SLC22A23: variants seen among roughly 807,000 people sequenced by gnomAD.
SLC22A23 encodes ion transporter protein.
In SLC22A23, 26 loss-of-function variants were observed where a neutral mutation model predicts 61.0. The observed-to-expected ratio is 0.43, with a 90% confidence interval of 0.31 to 0.59. The LOEUF (loss-of-function observed/expected upper bound fraction) is 0.59, where lower values mean the gene tolerates loss of function less well. SLC22A23 is among the 20% of genes least tolerant of loss of function. SLC22A23 has a pLI of 0.11. For synonymous variants in SLC22A23, 430 were observed against 413.9 expected (o/e 1.04, Z -0.47); for missense variants, 796 against 934.7 (o/e 0.85, Z 1.94).
At chr6:3,302,540 C>T (rs6911256) in intron 4 of SLC22A23, among the ~76,000 whole-genome samples, 8,213 of 152,098 alleles carry the variant, frequency 0.054, 700 homozygotes, top group African/African-American at 0.18. Flanking sequence ...TATATGAAAT[C>T]GCTCTAGTTT....
At position 3,373,558 on chromosome 6, in the gene SLC22A23, G is replaced by T. The variant is rs139328308; in HGVS notation, c.913+36630C>A. Among the ~76,000 whole-genome samples, 11 of 152,196 alleles carry T rather than the reference G, an allele frequency of 7.2e-5. No individual in the cohort carries two copies. The East Asian group carries it at 2.1e-3, about 29-fold the overall frequency. Reference sequence around the variant, plus strand: ...TGCTTTGTGAGGCATAGGAAGGCCTGGGGGAGAGGTGGAGGGCTCTGACTA... The same window carrying T: ...TGCTTTGTGAGGCATAGGAAGGCCTTGGGGAGAGGTGGAGGGCTCTGACTA... On this transcript the variant is annotated intron_variant, in intron 3 of 9. Transcript: ENST00000406686.
chr6:3,345,044 G>A (rs763273050), intron 3 of SLC22A23, among the ~76,000 whole-genome samples: 3 of 152,158 alleles, frequency 2.0e-5, no homozygotes, highest in Admixed American at 6.5e-5. Flanking sequence ...AAAGACCCAC[G>A]GCTAAGACTG....
intron 9 of SLC22A23, among the ~76,000 whole-genome samples, chr6:3,282,834 T>C (rs955800090): frequency 2.8e-4 from 43 of 152,180 alleles, no homozygotes; most frequent in Non-Finnish European, 1.5e-4. Context: ...ATAAGCATGG[T>C]GGCAACAGTA....
intron 1 of SLC22A23, among the ~76,000 whole-genome samples, chr6:3,423,781 T>C (rs150591277): frequency 6.6e-6 from 1 of 152,354 alleles, no homozygotes; most frequent in Non-Finnish European, 1.5e-5. Flanking sequence ...CTGGAGGGTA[T>C]TTTCTAGTAT....
At chr6:3,319,329 C>T (rs1402571950) in intron 4 of SLC22A23, among the ~76,000 whole-genome samples, 2 of 152,234 alleles carry the variant, frequency 1.3e-5, no homozygotes, top group African/African-American at 4.8e-5. Flanking sequence ...TTGTCTAGAA[C>T]ACTTTTCCGC....
Position 3,410,321 on chromosome 6 carries a change from C to T in SLC22A23, c.780G>A (p.Leu260=). Residue 260 remains leucine, a synonymous_variant, in exon 3 of 10, where the codon CTG becomes CTA. Transcript: ENST00000406686. This position sits in a 1 kb window ranked among gnomAD's most constrained non-coding sequence, Gnocchi z 5.0. The part of the protein sequence containing the change: ...IADWVGRRPV[L]LFSIIFILIF... ...TCAGAATGAAGATGATGGAAAACAG[C>T]AGCACAGGCCGCCGGCCGACCCTGC... 1 of 1,611,162 alleles carries T rather than the reference C, an allele frequency of 6.2e-7. No homozygotes were observed. The highest frequency in any genetic ancestry group is 8.5e-7 in the Non-Finnish European group (1 of 1,178,922).
Position 3,324,137 on chromosome 6 carries a change from G to A in SLC22A23, c.914-135C>T. 8 of 1,084,680 alleles carry A rather than the reference G, an allele frequency of 7.4e-6. No individual in the cohort carries two copies. The highest frequency in any genetic ancestry group is 2.1e-4 in the Middle Eastern group (1 of 4,786). The allele number at this position is 1,084,680 out of a possible 1,614,324, so 67.2% of individuals were successfully genotyped here. ...TTTTCATCTGCTGCCCACCACAAGT[G>A]CCCTATGTGGTGTGCCAGTGTTTTA... On this transcript the variant is annotated intron_variant, in intron 3 of 9. Transcript: ENST00000406686. The surrounding 1 kb of genome is among the most constrained non-coding windows in gnomAD (Gnocchi z 4.3).
chr6:3,275,645 T>G (rs1299406965), intron 9 of SLC22A23, among the ~76,000 whole-genome samples: 1 of 152,204 alleles, frequency 6.6e-6, no homozygotes, highest in Non-Finnish European at 1.5e-5. Flanking sequence ...TGTAGTGGCA[T>G]GATCTCGGCT....
intron 4 of SLC22A23, among the ~76,000 whole-genome samples, chr6:3,302,020 C>T (rs1352506292): frequency 6.6e-6 from 1 of 152,222 alleles, no homozygotes; most frequent in Admixed American, 6.5e-5. Flanking sequence ...GTTGGTATTA[C>T]ATTTTTAAAG....
chr6:3,392,956 C>T (rs765273588), intron 3 of SLC22A23, among the ~76,000 whole-genome samples: 5 of 152,072 alleles, frequency 3.3e-5, no homozygotes, highest in Admixed American at 3.3e-4. Flanking sequence ...AGAGCAGACA[C>T]ACAGAGAGTG....
Position 3,368,517 on chromosome 6 carries a change from G to A in SLC22A23, c.913+41671C>T, listed in dbSNP as rs1765988224. The stretch of plus-strand genomic sequence containing the variant: ...AATATTCATAAGATTCAGAAGTACT[G>A]CCTTAGAAGGGGCTTTCGCTTCTGT... On this transcript the variant is annotated intron_variant, in intron 3 of 9. Transcript: ENST00000406686. 2.6e-5 allele frequency among the ~76,000 whole-genome samples: 4 copies of A among 152,226 alleles called. No individual in the cohort carries two copies. The South Asian group carries it at 8.3e-4, about 31-fold the overall frequency.
intron 1 of SLC22A23, among the ~76,000 whole-genome samples, chr6:3,437,373 T>C (rs2127546296): frequency 6.6e-6 from 1 of 152,146 alleles, no homozygotes; most frequent in South Asian, 2.1e-4. Context: ...TACAAATAAG[T>C]CTTCTTTTAA....
intron 3 of SLC22A23, among the ~76,000 whole-genome samples, chr6:3,371,656 T>C (rs1766226737): frequency 6.6e-6 from 1 of 152,162 alleles, no homozygotes; most frequent in Admixed American, 6.5e-5. Flanking sequence ...TCTTGTGGGT[T>C]CTAAGAATTA....
Position 3,328,884 on chromosome 6 carries a change from G to A in SLC22A23, c.914-4882C>T, listed in dbSNP as rs969202814. Among the ~76,000 whole-genome samples, 3 of 147,814 alleles carry A rather than the reference G, an allele frequency of 2.0e-5. No individual in the cohort carries two copies. Among genetic ancestry groups the A allele is most frequent in the Non-Finnish European group, 3.0e-5 (2 of 67,568 alleles). On this transcript the variant is annotated intron_variant, in intron 3 of 9. Transcript: ENST00000406686. This position sits in a 1 kb window ranked among gnomAD's most constrained non-coding sequence, Gnocchi z 5.0. ...GAGGCCTCCCGTGAAGCCCATCTCCGAAGCTGCACCCCCTCCCTCCCCTTC... is the reference window on the plus strand; with the variant it reads ...GAGGCCTCCCGTGAAGCCCATCTCCAAAGCTGCACCCCCTCCCTCCCCTTC...
Position 3,342,956 on chromosome 6 carries a change from G to A in SLC22A23, c.914-18954C>T, listed in dbSNP as rs1193620534. 1.3e-5 allele frequency among the ~76,000 whole-genome samples: 2 copies of A among 152,142 alleles called. No homozygotes were observed. Among genetic ancestry groups the A allele is most frequent in the African/African-American group, 4.8e-5 (2 of 41,422 alleles). On this transcript the variant is annotated intron_variant, in intron 3 of 9. Coordinates refer to ENST00000406686, the MANE Select transcript of SLC22A23 (RefSeq NM_015482.2). The surrounding 1 kb of genome is among the most constrained non-coding windows in gnomAD (Gnocchi z 4.0). Reference sequence around the variant, plus strand: ...GGATTTCAAGAGACAAGAAATAGTGGGAAATGACAGAGAAATACACGGGGG... The same window carrying A: ...GGATTTCAAGAGACAAGAAATAGTGAGAAATGACAGAGAAATACACGGGGG...
In SLC22A23 at chr6:3,323,939, A is replaced by T; in HGVS notation, c.977T>A (p.Met326Lys). The T allele has an allele frequency of 6.2e-7, 1 of 1,614,242 alleles. No homozygotes were observed. Among genetic ancestry groups the T allele is most frequent in the Non-Finnish European group, 8.5e-7 (1 of 1,180,048 alleles). The part of the protein sequence containing the change: ...MITMVASFVA[M>K]AGQFLMPGLA... Reference sequence around the variant, plus strand: ...CCCAGGCATGAGGAACTGGCCCGCCATGGCCACGAAGCTCGCCACCATCGT... The same window carrying T: ...CCCAGGCATGAGGAACTGGCCCGCCTTGGCCACGAAGCTCGCCACCATCGT... Residue 326 changes from methionine (M) to lysine (K), a missense_variant, in exon 4 of 10, where the codon ATG (methionine) becomes AAG (lysine). Transcript: ENST00000406686.
chr6:3,456,140 G>A lies in SLC22A23; in HGVS notation c.420C>T (p.Val140=). ...TGTCCCCGCCCCGGCCTGTGGTGGT[G>A]ACCCCTGCCAGCTCGGTGCCTTTGC... ...GAGKGTELAG[V]TTTGRGGDMG... is the part of the protein sequence containing the mutation. The change falls in exon 1 of 10, where the codon GTC becomes GTT. Residue 140 remains valine (V), a synonymous_variant. Coordinates refer to ENST00000406686, the MANE Select transcript of SLC22A23 (RefSeq NM_015482.2). The surrounding 1 kb of genome is among the most constrained non-coding windows in gnomAD (Gnocchi z 7.1). 6.4e-7 allele frequency: 1 copy of A among 1,551,192 alleles called. No homozygotes were observed. The highest frequency in any genetic ancestry group is 1.2e-5 in the South Asian group (1 of 84,048).
chr6:3,318,702 C>A lies in SLC22A23; in HGVS notation c.1082+5132G>T, dbSNP rs1278247695. Among the ~76,000 whole-genome samples the A allele has an allele frequency of 6.6e-6, 1 of 152,146 alleles. No homozygotes were observed. The highest frequency in any genetic ancestry group is 1.5e-5 in the Non-Finnish European group (1 of 68,032). On this transcript the variant is annotated intron_variant, in intron 4 of 9. Coordinates refer to ENST00000406686, the MANE Select transcript of SLC22A23 (RefSeq NM_015482.2). This position sits in a 1 kb window ranked among gnomAD's most constrained non-coding sequence, Gnocchi z 4.3. ...TCACTATACCTGGATAATAATAAAA[C>A]CCACATCTTAACACAGGCTGCGGCC...
At position 3,341,890 on chromosome 6, in the gene SLC22A23, T is replaced by A. The variant is rs73356710; in HGVS notation, c.914-17888A>T. On this transcript the variant is annotated intron_variant, in intron 3 of 9. Coordinates refer to ENST00000406686, the MANE Select transcript of SLC22A23 (RefSeq NM_015482.2). The stretch of plus-strand genomic sequence containing the variant: ...CTTTAAAAGAAAAGTTAATGGATTT[T>A]AAAAAAAATCATACAACTTAAGTCT... Among the ~76,000 whole-genome samples, 1,048 of 152,170 alleles carry A rather than the reference T, an allele frequency of 6.9e-3. 16 individuals carry two copies. The highest frequency in any genetic ancestry group is 0.024 in the African/African-American group (977 of 41,532).
Sources: allele counts gnomAD v4.1 joint callset (sites outside exome capture counted in the v4.1 genomes callset), GRCh38; gene constraint gnomAD v4.1.1; non-coding constraint Gnocchi (gnomAD v3.1); transcripts MANE v1.5; gene names NCBI Gene and HGNC (gene_info 2026-07-23, HGNC 2026-07-21).